SGCZ: variants seen among roughly 807,000 people sequenced by gnomAD.
SGCZ encodes the protein sarcoglycan zeta, also known as zeta-sarcoglycan.
In SGCZ, 40 loss-of-function variants were observed where a neutral mutation model predicts 41.3. The ratio of observed to expected loss-of-function variants is 0.97; its 90% CI spans 0.75 to 1.26. SGCZ has a LOEUF of 1.26. SGCZ is among the 50% of genes most tolerant of loss of function. SGCZ has a pLI of 0.00. For missense variants in SGCZ, 552 were observed against 369.8 expected, an observed-to-expected ratio of 1.49 and a Z score of -4.04; for synonymous variants, 206 against 137.5, an observed-to-expected ratio of 1.50 and a Z score of -3.49.
At chr8:15,096,410 A>G (rs1275303086) in intron 1 of SGCZ, among the ~76,000 whole-genome samples, 1 of 152,154 alleles carries the variant, frequency 6.6e-6, no homozygotes, top group African/African-American at 2.4e-5. Context: ...ATTGAAATTC[A>G]TGATTGTCTA....
At chr8:14,974,985 A>G (rs1270644006) in intron 1 of SGCZ, among the ~76,000 whole-genome samples, 1 of 152,148 alleles carries the variant, frequency 6.6e-6, no homozygotes, top group Non-Finnish European at 1.5e-5. Flanking sequence ...TCTCTCTGCT[A>G]TGTCTCCAAG....
chr8:14,331,190 TAAAAG>T (rs1802307118), intron 2 of SGCZ, among the ~76,000 whole-genome samples: 1 of 151,918 alleles, frequency 6.6e-6, no homozygotes, highest in African/African-American at 2.4e-5. Flanking sequence ...TTCAATAAAA[TAAAAG>T]GAATACATAA....
At chr8:15,005,475 G>A (rs983207738) in intron 1 of SGCZ, among the ~76,000 whole-genome samples, 3 of 151,890 alleles carry the variant, frequency 2.0e-5, no homozygotes, top group Admixed American at 6.6e-5. Flanking sequence ...GCCATTACAG[G>A]CATGCGCCAC....
chr8:14,989,919 G>C lies in SGCZ; in HGVS notation c.39+247666C>G, dbSNP rs532567494. ...GTACAGAGACAAGTGAACTGTCCTGGGTTAGGAACTCTTCCTTCTACGTGT... is the reference window on the plus strand; with the variant it reads ...GTACAGAGACAAGTGAACTGTCCTGCGTTAGGAACTCTTCCTTCTACGTGT... On this transcript the variant is annotated intron_variant, in intron 1 of 7. Coordinates refer to ENST00000382080, the MANE Select transcript of SGCZ (RefSeq NM_139167.4). Among the ~76,000 whole-genome samples, 5 of 152,278 alleles carry C rather than the reference G, an allele frequency of 3.3e-5. No homozygotes were observed. In the East Asian group the frequency reaches 9.7e-4, roughly 29 times the overall value.
At chr8:14,540,220 A>ATTTTTTTTTTTT in intron 2 of SGCZ, among the ~76,000 whole-genome samples, 1 of 48,720 alleles carries the variant, frequency 2.1e-5, no homozygotes, top group Admixed American at 2.7e-4. Flanking sequence ...TCTCTGCTTA[A>ATTTTTTTTTTTT]TTTTTTTTTT....
At chr8:14,449,481 T>C (rs1407210224) in intron 2 of SGCZ, among the ~76,000 whole-genome samples, 1 of 152,184 alleles carries the variant, frequency 6.6e-6, no homozygotes, top group Non-Finnish European at 1.5e-5. Flanking sequence ...ATTGCTACCA[T>C]ACACTTAATG....
At position 14,127,310 on chromosome 8, in the gene SGCZ, A is replaced by G. The variant is rs570526715; in HGVS notation, c.548-19075T>C. On this transcript the variant is annotated intron_variant, in intron 5 of 7. Transcript: ENST00000382080. ...GACCAGAGGTTACAGAGTAACAATAATAATACACATCCCCTAAATACTGAG... is the reference window on the plus strand; with the variant it reads ...GACCAGAGGTTACAGAGTAACAATAGTAATACACATCCCCTAAATACTGAG... Among the ~76,000 whole-genome samples the G allele has an allele frequency of 4.6e-5, 7 of 152,304 alleles. No individual in the cohort carries two copies. In the South Asian group the frequency reaches 1.5e-3, roughly 32 times the overall value.
intron 2 of SGCZ, among the ~76,000 whole-genome samples, chr8:14,427,168 T>A (rs1799811417): frequency 6.6e-6 from 1 of 152,028 alleles, no homozygotes; most frequent in Non-Finnish European, 1.5e-5. Context: ...GTACACTAAA[T>A]TCTCTTTGCC....
chr8:15,008,877 A>G (rs1350255450), intron 1 of SGCZ, among the ~76,000 whole-genome samples: 3 of 151,954 alleles, frequency 2.0e-5, no homozygotes, highest in Non-Finnish European at 2.9e-5. Context: ...TAAGTCCCTG[A>G]CAATCACATT....
chr8:14,636,843 C>T lies in SGCZ; in HGVS notation c.40-81917G>A, dbSNP rs150085334. The stretch of plus-strand genomic sequence containing the variant: ...AATAGCCTTAAAACAAAAACAAAAG[C>T]GAAAGTCATTATGGAAACTCAGAAG... On this transcript the variant is annotated intron_variant, in intron 1 of 7. Transcript: ENST00000382080. Among the ~76,000 whole-genome samples the T allele has an allele frequency of 1.3e-4, 20 of 151,740 alleles. No homozygotes were observed. The East Asian group carries it at 1.6e-3, about 12-fold the overall frequency.
chr8:14,324,166 G>T lies in SGCZ; in HGVS notation c.273C>A (p.Ile91=), dbSNP rs545610319. 10 of 1,612,758 alleles carry T rather than the reference G, an allele frequency of 6.2e-6. No individual in the cohort carries two copies. The highest frequency in any genetic ancestry group is 7.6e-6 in the Non-Finnish European group (9 of 1,179,418). The change falls in exon 3 of 8, where the codon ATC becomes ATA. Residue 91 remains isoleucine, a synonymous_variant. Coordinates refer to ENST00000382080, the MANE Select transcript of SGCZ (RefSeq NM_139167.4). ...GAAACTCAGATATACCTTCAAGTCG[G>T]ATTCCCTTCTTGGTGACTCTCAGAT... The part of the protein sequence containing the change: ...MGNLRVTKKG[I]RLEGISEFLL...
chr8:14,378,467 G>T (rs1804225050), intron 2 of SGCZ, among the ~76,000 whole-genome samples: 1 of 152,114 alleles, frequency 6.6e-6, no homozygotes, highest in Non-Finnish European at 1.5e-5. Context: ...TACAGCAAAA[G>T]AAACTACCAT....
chr8:15,004,034 C>T (rs1256926821), intron 1 of SGCZ, among the ~76,000 whole-genome samples: 1 of 152,056 alleles, frequency 6.6e-6, no homozygotes, highest in Non-Finnish European at 1.5e-5. Flanking sequence ...GAAAATCTAA[C>T]GCCCCAGAGA....
At chr8:14,737,670 CTCTG>C (rs374928999) in intron 1 of SGCZ, among the ~76,000 whole-genome samples, 7 of 150,474 alleles carry the variant, frequency 4.7e-5, no homozygotes, top group African/African-American at 1.5e-4. Flanking sequence ...GACGGCCATC[CTCTG>C]TCTGTTTTCA....
intron 1 of SGCZ, among the ~76,000 whole-genome samples, chr8:14,673,828 A>T (rs989951072): frequency 6.6e-6 from 1 of 152,204 alleles, no homozygotes; most frequent in Admixed American, 6.5e-5. Flanking sequence ...AGGCCCTAAA[A>T]TTAATGCAAA....
Position 14,728,950 on chromosome 8 carries a change from T to A in SGCZ, c.40-174024A>T, listed in dbSNP as rs192710634. ...ACATTATCATGTAAATCTGCCTATG[T>A]TCCTTTCATGCGAAGTCAATGCCCC... On this transcript the variant is annotated intron_variant, in intron 1 of 7. Coordinates refer to ENST00000382080, the MANE Select transcript of SGCZ (RefSeq NM_139167.4). 3.8e-3 allele frequency among the ~76,000 whole-genome samples: 575 copies of A among 152,310 alleles called. 1 individual carries two copies. The highest frequency in any genetic ancestry group is 6.4e-3 in the Non-Finnish European group (433 of 68,018).
chr8:14,640,249 G>T (rs1176354659), intron 1 of SGCZ, among the ~76,000 whole-genome samples: 1 of 151,674 alleles, frequency 6.6e-6, no homozygotes, highest in Non-Finnish European at 1.5e-5. Context: ...TCCTTCAGAA[G>T]TTCCTTTTCT....
At chr8:14,965,826 T>G (rs1044830146) in intron 1 of SGCZ, among the ~76,000 whole-genome samples, 9 of 152,198 alleles carry the variant, frequency 5.9e-5, no homozygotes, top group Non-Finnish European at 1.3e-4. Context: ...TCAAGATATA[T>G]CATAAACTAC....
intron 2 of SGCZ, among the ~76,000 whole-genome samples, chr8:14,454,913 A>C (rs1206208279): frequency 6.6e-6 from 1 of 152,210 alleles, no homozygotes; most frequent in Non-Finnish European, 1.5e-5. Context: ...TAAAAATGAA[A>C]TCATACAAGT....
Sources: gnomAD v4.1 joint callset for allele counts (sites outside exome capture counted in the v4.1 genomes callset) on GRCh38, gnomAD v4.1.1 for gene constraint, MANE v1.5 for transcripts, NCBI Gene and HGNC (gene_info 2026-07-23, HGNC 2026-07-21) for gene names.